Variants in IL1RAPL1 observed in about 807,000 individuals in gnomAD.
The protein encoded by IL1RAPL1 is interleukin-1 receptor accessory protein-like 1.
A neutral mutation model predicts 48.4 loss-of-function variants in IL1RAPL1; 3 were observed. The observed-to-expected ratio is 0.06, with a 90% CI of 0.03 to 0.16. The LOEUF (loss-of-function observed/expected upper bound fraction) is 0.16. Among genes scored for constraint, IL1RAPL1 ranks in the 10% least tolerant of loss-of-function variants. The pLI is 1.00. For synonymous variants in IL1RAPL1, 185 were observed against 187.7 expected, an observed-to-expected ratio of 0.99 and a Z score of 0.12; for missense variants, 349 against 530.6, an observed-to-expected ratio of 0.66 and a Z score of 3.36.
At chrX:29,678,830 T>A (rs1390856448) in intron 6 of IL1RAPL1, among the ~76,000 whole-genome samples, 1 of 111,536 alleles carries the variant, frequency 9.0e-6, no homozygotes, top group East Asian at 2.8e-4. Flanking sequence ...AAGTCTTGGC[T>A]TCATGGTCTT....
chrX:29,471,223 G>A (rs1934917382), intron 5 of IL1RAPL1, among the ~76,000 whole-genome samples: 1 of 111,442 alleles, frequency 9.0e-6, no homozygotes. Flanking sequence ...GGAGGGAAAA[G>A]AAAGGGAGAG....
Position 28,882,386 on chromosome X carries a change from T to C in IL1RAPL1, c.82+92961T>C, listed in dbSNP as rs762833478. 1.2e-4 allele frequency among the ~76,000 whole-genome samples: 14 copies of C among 112,024 alleles called. No homozygotes were observed. The East Asian group carries it at 3.9e-3, about 31-fold the overall frequency. ...GAGGCCGGGCATGGTGGCTCACGCC[T>C]GTAATCCCAGCTTTGGGAGGCTGAG... On this transcript the variant is annotated intron_variant, in intron 2 of 10. Transcript: ENST00000378993.
rs370996907 is a variant in IL1RAPL1, at chrX:29,562,647, A to C, written c.704-105783A>C. Among the ~76,000 whole-genome samples the C allele has an allele frequency of 3.1e-4, 35 of 111,872 alleles. No homozygotes were observed. The South Asian group carries it at 0.013, about 41-fold the overall frequency. On this transcript the variant is annotated intron_variant, in intron 5 of 10. Coordinates refer to ENST00000378993, the MANE Select transcript of IL1RAPL1 (RefSeq NM_014271.4). The stretch of plus-strand genomic sequence containing the variant: ...TACCCAAACATAAATATTTACTTTT[A>C]CATGTTGTCAGAGAGTATTTGTACC...
intron 5 of IL1RAPL1, among the ~76,000 whole-genome samples, chrX:29,467,010 A>G (rs1934870015): frequency 9.0e-6 from 1 of 111,205 alleles, no homozygotes; most frequent in Non-Finnish European, 1.9e-5. Flanking sequence ...GGATAGGCCC[A>G]GTAATTTGTG....
At chrX:29,017,778 C>G (rs1926274699) in intron 2 of IL1RAPL1, among the ~76,000 whole-genome samples, 1 of 111,689 alleles carries the variant, frequency 9.0e-6, no homozygotes, top group African/African-American at 3.3e-5. Flanking sequence ...GTTTTTCTGA[C>G]ATAATATTTG....
chrX:29,795,822 G>C (rs1283479739), intron 6 of IL1RAPL1, among the ~76,000 whole-genome samples: 1 of 112,920 alleles, frequency 8.9e-6, no homozygotes, highest in Non-Finnish European at 1.9e-5. Context: ...AGAAAGCTTT[G>C]AAAGGAAAAC....
At chrX:29,237,647 C>T (rs1602128388) in intron 2 of IL1RAPL1, among the ~76,000 whole-genome samples, 1 of 112,655 alleles carries the variant, frequency 8.9e-6, no homozygotes, top group Non-Finnish European at 1.9e-5. Flanking sequence ...TGCTTAGTAA[C>T]GTGTCTTTAC....
At chrX:29,135,069 A>G (rs969469496) in intron 2 of IL1RAPL1, among the ~76,000 whole-genome samples, 11 of 112,267 alleles carry the variant, frequency 9.8e-5, no homozygotes, top group Non-Finnish European at 2.1e-4. Flanking sequence ...AACAGCAATC[A>G]TTTATTATCA....
At chrX:29,312,319 G>T (rs1007851207) in intron 3 of IL1RAPL1, among the ~76,000 whole-genome samples, 6 of 111,335 alleles carry the variant, frequency 5.4e-5, no homozygotes, top group Non-Finnish European at 1.1e-4. Flanking sequence ...GCGTGGTGGT[G>T]TGGGCTGAGG....
At chrX:29,632,916 C>T (rs1602336796) in intron 5 of IL1RAPL1, among the ~76,000 whole-genome samples, 1 of 112,239 alleles carries the variant, frequency 8.9e-6, no homozygotes, top group East Asian at 2.8e-4. Flanking sequence ...TTCAGAAATA[C>T]TCTCAAGCTT....
At chrX:29,563,689 A>C (rs1326969790) in intron 5 of IL1RAPL1, among the ~76,000 whole-genome samples, 1 of 112,320 alleles carries the variant, frequency 8.9e-6, no homozygotes, top group Non-Finnish European at 1.9e-5. Flanking sequence ...GAACTGAAAT[A>C]GCTCTTGGCT....
chrX:29,514,533 C>T (rs934868593), intron 5 of IL1RAPL1, among the ~76,000 whole-genome samples: 4 of 112,589 alleles, frequency 3.6e-5, no homozygotes, highest in Admixed American at 9.4e-5. Flanking sequence ...ACTGCAACCT[C>T]TGCCTCCTGG....
intron 2 of IL1RAPL1, among the ~76,000 whole-genome samples, chrX:28,906,132 T>C (rs776959849): frequency 9.0e-6 from 1 of 111,645 alleles, no homozygotes; most frequent in South Asian, 3.7e-4. Flanking sequence ...AAGAGCCATT[T>C]ATAAAACCAT....
At chrX:29,305,084 A>T (rs1932597100) in intron 3 of IL1RAPL1, among the ~76,000 whole-genome samples, 1 of 112,655 alleles carries the variant, frequency 8.9e-6, no homozygotes, top group African/African-American at 3.2e-5. Flanking sequence ...CAAGAAACCC[A>T]ATGAGAAATC....
intron 5 of IL1RAPL1, among the ~76,000 whole-genome samples, chrX:29,434,553 G>A (rs965521118): frequency 9.1e-6 from 1 of 110,472 alleles, no homozygotes; most frequent in Non-Finnish European, 1.9e-5. Context: ...CTTCTCCAAA[G>A]TTATTTATGA....
intron 2 of IL1RAPL1, among the ~76,000 whole-genome samples, chrX:29,136,543 C>G (rs1443471390): frequency 9.0e-6 from 1 of 111,354 alleles, no homozygotes; most frequent in Non-Finnish European, 1.9e-5. Flanking sequence ...GTTGCCCATT[C>G]TGGAGTGTAG....
chrX:29,317,642 G>T (rs1168154009), intron 3 of IL1RAPL1, among the ~76,000 whole-genome samples: 1 of 112,005 alleles, frequency 8.9e-6, no homozygotes, highest in Non-Finnish European at 1.9e-5. Context: ...TTCCCCAAGG[G>T]ATTAGTAGTG....
chrX:29,328,693 T>C (rs1602173559), intron 3 of IL1RAPL1, among the ~76,000 whole-genome samples: 1 of 90,974 alleles, frequency 1.1e-5, no homozygotes, highest in Non-Finnish European at 2.2e-5. Flanking sequence ...AGAGAGAGAG[T>C]TCATAAATGA....
At chrX:28,764,654 T>C (rs1193302812) in intron 1 of IL1RAPL1, among the ~76,000 whole-genome samples, 3 of 111,962 alleles carry the variant, frequency 2.7e-5, no homozygotes, top group Non-Finnish European at 3.8e-5. Context: ...TTCAAGTTAC[T>C]CTGAATTTAA....
Sources: allele counts gnomAD v4.1 joint callset (sites outside exome capture counted in the v4.1 genomes callset), GRCh38; gene constraint gnomAD v4.1.1; transcripts MANE v1.5; gene names NCBI Gene and HGNC (gene_info 2026-07-23, HGNC 2026-07-21).